The following RIN2 variants were observed in gnomAD, a reference collection of about 807,000 sequenced individuals.
The protein encoded by RIN2 is RAB5 interacting protein 2.
RIN2 carries 36 observed loss-of-function variants against 78.0 expected under a neutral mutation model. The ratio of observed to expected loss-of-function variants is 0.46; its 90% CI spans 0.35 to 0.61. The LOEUF (loss-of-function observed/expected upper bound fraction) is 0.61, where lower values mean the gene tolerates loss of function less well. Ranked by LOEUF, RIN2 falls within the 20% of genes least tolerant of loss-of-function variation. The probability of loss-of-function intolerance (pLI) is 0.00; values close to 1 mark genes in which losing one functional copy is unlikely to be tolerated. For missense variants in RIN2, 1,087 were observed against 1,159.7 expected (o/e 0.94, Z 0.91); for synonymous variants, 466 against 466.8 (o/e 1.00, Z 0.02).
At chr20:19,862,850 G>A (rs1267266682) in intron 2 of RIN2, among the ~76,000 whole-genome samples, 1 of 152,164 alleles carries the variant, frequency 6.6e-6, no homozygotes, top group Non-Finnish European at 1.5e-5. Flanking sequence ...CCAAATGCAC[G>A]TTTTCTGAGT....
At chr20:19,798,079 C>CCT (rs2035118663) in intron 1 of RIN2, among the ~76,000 whole-genome samples, 2 of 151,632 alleles carry the variant, frequency 1.3e-5, no homozygotes, top group Non-Finnish European at 2.9e-5. Context: ...CCTTGATCTC[C>CCT]TGACCTCGTG....
In RIN2 at chr20:19,990,068, G is replaced by A. The variant is rs2042744915; in HGVS notation, c.1825G>A (p.Ala609Thr). 6.3e-7 allele frequency: 1 copy of A among 1,598,844 alleles called. No homozygotes were observed. Among genetic ancestry groups the A allele is most frequent in the Admixed American group, 1.7e-5 (1 of 57,272 alleles). The change falls in exon 10 of 13, where the codon GCC becomes ACC. Residue 609 changes from alanine to threonine, a missense_variant. Coordinates refer to ENST00000255006, the MANE Select transcript of RIN2 (RefSeq NM_018993.4). ...ILKPLKGHVE[A>T]MLKDFHMADG... is the part of the protein sequence containing the mutation. The stretch of plus-strand genomic sequence containing the variant: ...GAAGCCCCTCAAGGGGCACGTGGAG[G>A]CCATGCTGAAGGACTTTCACATGGC...
chr20:19,832,607 TCCTTAGTC>T (rs2036283559), intron 2 of RIN2, among the ~76,000 whole-genome samples: 1 of 151,800 alleles, frequency 6.6e-6, no homozygotes, highest in African/African-American at 2.4e-5. Flanking sequence ...GACAGCCCCT[TCCTTAGTC>T]CCTCAGTGCC....
chr20:19,799,836 GT>G (rs2035185111), intron 2 of RIN2, 89 bp downstream of exon 2: 1 of 152,192 alleles, frequency 6.6e-6, no homozygotes, highest in Non-Finnish European at 1.5e-5. Flanking sequence ...GGAATATCAT[GT>G]GCTATAGTTG....
At chr20:19,801,440 C>T (rs1232062044) in intron 2 of RIN2, among the ~76,000 whole-genome samples, 1 of 152,142 alleles carries the variant, frequency 6.6e-6, no homozygotes, top group African/African-American at 2.4e-5. Flanking sequence ...CCTGCCTCAG[C>T]CTCCCGAGTA....
At chr20:19,795,703 G>T (rs1218554792) in intron 1 of RIN2, among the ~76,000 whole-genome samples, 2 of 152,014 alleles carry the variant, frequency 1.3e-5, no homozygotes, top group Non-Finnish European at 2.9e-5. Flanking sequence ...GAGTGCCATT[G>T]TGTCAAATCC....
intron 3 of RIN2, among the ~76,000 whole-genome samples, chr20:19,925,053 G>A (rs560292288): frequency 1.3e-5 from 2 of 148,372 alleles, no homozygotes; most frequent in African/African-American, 5.0e-5. Flanking sequence ...CCACCTCTTT[G>A]TGCTCCTCCT....
At chr20:19,875,004 G>A (rs1344728106) in intron 2 of RIN2, among the ~76,000 whole-genome samples, 1 of 151,900 alleles carries the variant, frequency 6.6e-6, no homozygotes, top group East Asian at 1.9e-4. Context: ...AGGATTACAG[G>A]TGGGTGCCAC....
intron 2 of RIN2, among the ~76,000 whole-genome samples, chr20:19,882,406 C>T (rs373357849): frequency 2.6e-5 from 4 of 152,098 alleles, no homozygotes; most frequent in African/African-American, 9.7e-5. Context: ...AAATGAATAG[C>T]TATATGAAAA....
At chr20:19,937,595 A>T (rs1025080457) in intron 4 of RIN2, among the ~76,000 whole-genome samples, 2 of 152,228 alleles carry the variant, frequency 1.3e-5, no homozygotes, top group South Asian at 2.1e-4. Context: ...TTCGTGCTTA[A>T]TATTGAGATA....
At chr20:19,959,877 A>G (rs567633031) in intron 5 of RIN2, among the ~76,000 whole-genome samples, 15 of 152,314 alleles carry the variant, frequency 9.8e-5, no homozygotes, top group African/African-American at 3.4e-4. Context: ...TGCACGGCCT[A>G]CACAACAGTA....
chr20:19,898,350 A>G (rs1179029156), intron 3 of RIN2, among the ~76,000 whole-genome samples: 3 of 152,172 alleles, frequency 2.0e-5, no homozygotes, highest in Non-Finnish European at 2.9e-5. Context: ...TTGTAGCTCT[A>G]AGTTTCATAT....
chr20:19,956,912 G>C, intron 5 of RIN2, 105 bp downstream of exon 5: 1 of 962,896 alleles, frequency 1.0e-6, no homozygotes, highest in Non-Finnish European at 1.5e-6. Context: ...TAGCTTGTAA[G>C]GAGCATGTCT....
intron 1 of RIN2, among the ~76,000 whole-genome samples, chr20:19,790,724 C>G (rs1408633767): frequency 6.6e-6 from 1 of 152,184 alleles, no homozygotes; most frequent in Non-Finnish European, 1.5e-5. Context: ...TCTGGCCCTT[C>G]TTCATGTCTG....
intron 1 of RIN2, among the ~76,000 whole-genome samples, chr20:19,769,630 G>A (rs569568320): frequency 4.6e-5 from 7 of 152,258 alleles, no homozygotes; most frequent in South Asian, 4.1e-4. Context: ...GTTACCAGGC[G>A]GCTGCAATTT....
chr20:19,853,384 T>G (rs1440534352), intron 2 of RIN2, among the ~76,000 whole-genome samples: 2 of 152,174 alleles, frequency 1.3e-5, no homozygotes, highest in Non-Finnish European at 2.9e-5. Flanking sequence ...TTATACTCCT[T>G]TGGGTATATA....
At chr20:19,864,405 A>T (rs897308370) in intron 2 of RIN2, among the ~76,000 whole-genome samples, 4 of 152,192 alleles carry the variant, frequency 2.6e-5, no homozygotes, top group Non-Finnish European at 5.9e-5. Context: ...TTAGAAGATC[A>T]TGACGCTTGG....
At chr20:19,959,195 G>T (rs2041656287) in intron 5 of RIN2, among the ~76,000 whole-genome samples, 1 of 152,170 alleles carries the variant, frequency 6.6e-6, no homozygotes, top group Non-Finnish European at 1.5e-5. Context: ...GAAACAGATG[G>T]CAGGATGGAT....
intron 4 of RIN2, among the ~76,000 whole-genome samples, chr20:19,948,519 C>T (rs538984538): frequency 5.9e-5 from 9 of 152,228 alleles, no homozygotes; most frequent in Admixed American, 3.3e-4. Context: ...CTCAGCCTCC[C>T]GAGTAGCTGG....
Sources: gnomAD v4.1 joint callset for allele counts (sites outside exome capture counted in the v4.1 genomes callset) on GRCh38, gnomAD v4.1.1 for gene constraint, MANE v1.5 for transcripts, NCBI Gene and HGNC (gene_info 2026-07-23, HGNC 2026-07-21) for gene names.